SPAG16: variants seen among roughly 807,000 people sequenced by gnomAD.
SPAG16 encodes the protein sperm associated antigen 16.
SPAG16 carries 86 observed loss-of-function variants against 80.4 expected under a neutral mutation model. That is an observed-to-expected ratio of 1.07 (90% CI 0.90 to 1.28). The LOEUF (loss-of-function observed/expected upper bound fraction) is 1.28, where lower values mean the gene tolerates loss of function less well. Ranked by LOEUF, SPAG16 falls within the 50% of genes most tolerant of loss-of-function variation. SPAG16 has a pLI of 0.00. For missense variants in SPAG16, 870 were observed against 765.3 expected, an observed-to-expected ratio of 1.14 and a Z score of -1.61; for synonymous variants, 294 against 265.9, an observed-to-expected ratio of 1.11 and a Z score of -1.03.
chr2:213,434,336 T>C (rs1053269908), intron 9 of SPAG16, among the ~76,000 whole-genome samples: 2 of 152,188 alleles, frequency 1.3e-5, no homozygotes, highest in Admixed American at 6.5e-5. Context: ...GATTAAAGTC[T>C]TAAATATAAG....
rs775743996 is a variant in SPAG16 at position 213,284,586 on chromosome 2, G to C, written c.103G>C (p.Ala35Pro). The change falls in exon 1 of 16, where the codon GCG becomes CCG. Residue 35 changes from alanine to proline, a missense_variant. Coordinates refer to ENST00000331683, the MANE Select transcript of SPAG16 (RefSeq NM_024532.5). ...AAGDARDTADAVAAEGAYYLE... is the reference protein window; with the variant it reads ...AAGDARDTADPVAAEGAYYLE... ...CGGGGACGCGAGGGACACGGCGGAC[G>C]CGGTGGCGGCTGAGGGCGCCTACTA... 1 of 1,609,670 alleles carries C rather than the reference G, an allele frequency of 6.2e-7. No individual in the cohort carries two copies. The highest frequency in any genetic ancestry group is 2.2e-5 in the East Asian group (1 of 44,746).
chr2:214,312,145 C>A (rs544261048), intron 15 of SPAG16, among the ~76,000 whole-genome samples: 86 of 152,192 alleles, frequency 5.7e-4, no homozygotes, highest in African/African-American at 2.0e-3. Flanking sequence ...TGAAAATGAT[C>A]GTGTTTAATG....
intron 15 of SPAG16, among the ~76,000 whole-genome samples, chr2:214,151,168 T>A (rs906806988): frequency 3.9e-5 from 6 of 152,106 alleles, no homozygotes; most frequent in African/African-American, 1.2e-4. Context: ...AAGGATTTTC[T>A]CATTGAATAA....
chr2:213,480,404 A>C (rs1447681270), intron 9 of SPAG16, among the ~76,000 whole-genome samples: 1 of 152,228 alleles, frequency 6.6e-6, no homozygotes, highest in Non-Finnish European at 1.5e-5. Context: ...CTTGCCTTTG[A>C]GGAATGGAAG....
At chr2:213,732,200 G>A (rs1443280429) in intron 10 of SPAG16, among the ~76,000 whole-genome samples, 1 of 152,136 alleles carries the variant, frequency 6.6e-6, no homozygotes, top group Non-Finnish European at 1.5e-5. Context: ...GTTTTTGTCA[G>A]ACTTGTTAAA....
chr2:213,340,663 A>G (rs1262644909), intron 6 of SPAG16, among the ~76,000 whole-genome samples: 1 of 152,164 alleles, frequency 6.6e-6, no homozygotes, highest in Non-Finnish European at 1.5e-5. Flanking sequence ...CAAGACATGA[A>G]AAAACATGTT....
At position 214,341,558 on chromosome 2, in the gene SPAG16, A is replaced by G. The variant is rs560535828; in HGVS notation, c.1721-68582A>G. On this transcript the variant is annotated intron_variant, in intron 15 of 15. Coordinates refer to ENST00000331683, the MANE Select transcript of SPAG16 (RefSeq NM_024532.5). The stretch of plus-strand genomic sequence containing the variant: ...TTTCAAAAAAATGACTTGCAAAGGA[A>G]TGTGAATCAGATGAGAGTCTTGAGT... Among the ~76,000 whole-genome samples, 191 of 152,312 alleles carry G rather than the reference A, an allele frequency of 1.3e-3. 1 individual carries two copies. The highest frequency in any genetic ancestry group is 4.1e-3 in the African/African-American group (170 of 41,586).
intron 10 of SPAG16, among the ~76,000 whole-genome samples, chr2:213,668,784 G>T (rs1404625034): frequency 6.6e-6 from 1 of 152,000 alleles, no homozygotes. Context: ...GAGTAGCTGG[G>T]ATTACAGGTG....
intron 15 of SPAG16, among the ~76,000 whole-genome samples, chr2:214,385,290 G>C (rs565460551): frequency 7.9e-5 from 12 of 152,328 alleles, no homozygotes; most frequent in African/African-American, 2.6e-4. Context: ...TTTGGGATTA[G>C]TGTGAAGATT....
At chr2:213,972,870 G>T (rs921395423) in intron 12 of SPAG16, among the ~76,000 whole-genome samples, 15 of 151,916 alleles carry the variant, frequency 9.9e-5, no homozygotes, top group African/African-American at 3.4e-4. Context: ...CCACTCTGTG[G>T]GTTGTGTTTT....
chr2:214,282,704 T>A (rs1223180531), intron 15 of SPAG16, among the ~76,000 whole-genome samples: 2 of 152,178 alleles, frequency 1.3e-5, no homozygotes, highest in Admixed American at 6.5e-5. Flanking sequence ...ACCTTTGTAA[T>A]ATATCTCCTC....
chr2:213,612,640 G>A (rs538401489), intron 10 of SPAG16, among the ~76,000 whole-genome samples: 15 of 152,044 alleles, frequency 9.9e-5, no homozygotes, highest in African/African-American at 3.4e-4. Context: ...TTCCTTCTTC[G>A]CGCTCACTGC....
intron 15 of SPAG16, chr2:214,281,415 A>T: frequency 5.1e-6 from 1 of 197,448 alleles, no homozygotes; most frequent in Non-Finnish European, 1.1e-5. Flanking sequence ...GTGTCTCTTA[A>T]AGTAGGCCTT....
intron 9 of SPAG16, among the ~76,000 whole-genome samples, chr2:213,486,693 T>A (rs182997118): frequency 1.1e-4 from 16 of 152,180 alleles, no homozygotes; most frequent in African/African-American, 2.4e-4. Flanking sequence ...ATTAACTGGT[T>A]ATGAAACTGG....
At chr2:213,386,858 C>T (rs1001793550) in intron 9 of SPAG16, among the ~76,000 whole-genome samples, 1 of 152,068 alleles carries the variant, frequency 6.6e-6, no homozygotes, top group Non-Finnish European at 1.5e-5. Context: ...AATATTACAA[C>T]ATAATTTCAT....
chr2:213,642,482 G>A (rs1403081718), intron 10 of SPAG16, among the ~76,000 whole-genome samples: 1 of 152,034 alleles, frequency 6.6e-6, no homozygotes, highest in Non-Finnish European at 1.5e-5. Flanking sequence ...GTCTGTGAGG[G>A]TGTTACCAAA....
At chr2:213,581,330 C>T (rs566876224) in intron 10 of SPAG16, among the ~76,000 whole-genome samples, 8 of 152,150 alleles carry the variant, frequency 5.3e-5, no homozygotes, top group Non-Finnish European at 1.2e-4. Context: ...TGATTCTCCA[C>T]CTTAGCCTCC....
chr2:213,780,570 T>C (rs200238798), intron 10 of SPAG16, among the ~76,000 whole-genome samples: 3 of 116,676 alleles, frequency 2.6e-5, no homozygotes, highest in Admixed American at 2.2e-4. Flanking sequence ...TTCTTTTCTT[T>C]CTTTTTTTTT....
chr2:213,556,874 A>G (rs546277996), intron 10 of SPAG16, among the ~76,000 whole-genome samples: 2 of 152,292 alleles, frequency 1.3e-5, no homozygotes, highest in African/African-American at 4.8e-5. Context: ...ACATGTAAGA[A>G]GATTAAAATG....
Sources: gnomAD v4.1 joint callset for allele counts (sites outside exome capture counted in the v4.1 genomes callset) on GRCh38, gnomAD v4.1.1 for gene constraint, MANE v1.5 for transcripts, NCBI Gene and HGNC (gene_info 2026-07-23, HGNC 2026-07-21) for gene names.